The following KHDRBS2 variants were observed in gnomAD, a reference collection of about 807,000 sequenced individuals.
KHDRBS2 encodes the protein KH RNA binding domain containing, signal transduction associated 2, also known as KH domain-containing, RNA-binding, signal transduction-associated protein 2.
A neutral mutation model predicts 44.3 loss-of-function variants in KHDRBS2; 26 were observed. The ratio of observed to expected loss-of-function variants is 0.59; its 90% CI spans 0.43 to 0.81. The LOEUF (loss-of-function observed/expected upper bound fraction) is 0.81, where lower values mean the gene tolerates loss of function less well. Among genes scored for constraint, KHDRBS2 ranks in the 40% least tolerant of loss-of-function variants. The probability of loss-of-function intolerance (pLI) is 0.00; values close to 1 mark genes in which losing one functional copy is unlikely to be tolerated. For missense variants in KHDRBS2, 476 were observed against 433.1 expected, an observed-to-expected ratio of 1.10 and a Z score of -0.88; for synonymous variants, 194 against 151.1, an observed-to-expected ratio of 1.28 and a Z score of -2.08.
chr6:62,130,441 C>T (rs942494865), intron 2 of KHDRBS2, among the ~76,000 whole-genome samples: 1 of 152,074 alleles, frequency 6.6e-6, no homozygotes, highest in Non-Finnish European at 1.5e-5. Flanking sequence ...GTTTCTTCAT[C>T]TGTAAAAGGA....
chr6:62,224,177 T>C (rs1216547383), intron 1 of KHDRBS2, among the ~76,000 whole-genome samples: 1 of 152,098 alleles, frequency 6.6e-6, no homozygotes, highest in Non-Finnish European at 1.5e-5. Context: ...AGGCACTGCT[T>C]ACATGACAGC....
chr6:62,065,092 C>A lies in KHDRBS2; in HGVS notation c.220-17098G>T, dbSNP rs1168931527. Among the ~76,000 whole-genome samples, 4 of 152,062 alleles carry A rather than the reference C, an allele frequency of 2.6e-5. No homozygotes were observed. The East Asian group carries it at 7.7e-4, about 29-fold the overall frequency. On this transcript the variant is annotated intron_variant, in intron 2 of 8. Coordinates refer to ENST00000281156, the MANE Select transcript of KHDRBS2 (RefSeq NM_152688.4). ...TCAAAACCACAATGAGATACCATCT[C>A]ACACCAGTTAGAATGGCAATCATTA...
the KHDRBS2 span, among the ~76,000 whole-genome samples, chr6:61,638,972 T>C: frequency 6.6e-6 from 1 of 152,126 alleles, no homozygotes; most frequent in African/African-American, 2.4e-5. Flanking sequence ...TAGGTGCTGG[T>C]TAAATCAGCT....
chr6:61,754,493 C>CT (rs1167968356), intron 6 of KHDRBS2, among the ~76,000 whole-genome samples: 1 of 151,506 alleles, frequency 6.6e-6, no homozygotes, highest in Non-Finnish European at 1.5e-5. Flanking sequence ...GACAACAAAT[C>CT]TGTCACACAG....
chr6:61,889,960 C>A lies in KHDRBS2; in HGVS notation c.810+4675G>T, dbSNP rs571919661. Among the ~76,000 whole-genome samples, 4 of 152,328 alleles carry A rather than the reference C, an allele frequency of 2.6e-5. No individual in the cohort carries two copies. The East Asian group carries it at 5.8e-4, about 22-fold the overall frequency. The stretch of plus-strand genomic sequence containing the variant: ...GGCCAAGACCCTCAATTCATTTAAG[C>A]ATTTGCTCAAACGTCTCCACTTCAG... On this transcript the variant is annotated intron_variant, in intron 6 of 8. Coordinates refer to ENST00000281156, the MANE Select transcript of KHDRBS2 (RefSeq NM_152688.4).
the KHDRBS2 span, among the ~76,000 whole-genome samples, chr6:61,571,503 T>C: frequency 7.6e-6 from 1 of 131,700 alleles, no homozygotes; most frequent in Non-Finnish European, 1.7e-5. Flanking sequence ...ACAGCAATAG[T>C]TCATCTAGAC....
the KHDRBS2 span, among the ~76,000 whole-genome samples, chr6:61,663,515 A>G: frequency 9.7e-6 from 1 of 102,604 alleles, no homozygotes; most frequent in South Asian, 3.9e-4. Flanking sequence ...ATATATATAT[A>G]TATATATATA....
intron 2 of KHDRBS2, among the ~76,000 whole-genome samples, chr6:62,075,109 A>T (rs1364661965): frequency 6.6e-6 from 1 of 151,820 alleles, no homozygotes; most frequent in Non-Finnish European, 1.5e-5. Flanking sequence ...TTATGTTTTA[A>T]CTCTTATGCT....
At chr6:62,276,551 A>G (rs192088801) in intron 1 of KHDRBS2, among the ~76,000 whole-genome samples, 30 of 152,204 alleles carry the variant, frequency 2.0e-4, no homozygotes, top group Non-Finnish European at 4.1e-4. Context: ...TAAGCTCTCT[A>G]AGAAGCAGTC....
chr6:62,048,443 TAA>T (rs1788236018), intron 2 of KHDRBS2, among the ~76,000 whole-genome samples: 1 of 151,904 alleles, frequency 6.6e-6, no homozygotes, highest in Non-Finnish European at 1.5e-5. Context: ...ATCGATGCTT[TAA>T]ATTAGTATCT....
chr6:61,774,728 A>T (rs1216847371), intron 6 of KHDRBS2, among the ~76,000 whole-genome samples: 1 of 152,220 alleles, frequency 6.6e-6, no homozygotes, highest in East Asian at 1.9e-4. Flanking sequence ...AGGAGCTGGT[A>T]GCATTCCTTC....
chr6:61,778,054 C>T (rs60613287), intron 6 of KHDRBS2, among the ~76,000 whole-genome samples: 24,332 of 151,972 alleles, frequency 0.16, 2,457 homozygotes, highest in East Asian at 0.29. Flanking sequence ...TGTTCATGAC[C>T]ACTCCTATTC....
At chr6:61,682,605 G>A (rs1053471784) in intron 8 of KHDRBS2, among the ~76,000 whole-genome samples, 5 of 151,858 alleles carry the variant, frequency 3.3e-5, no homozygotes, top group African/African-American at 1.2e-4. Context: ...GAAAAGTTCA[G>A]TAACTGTGAT....
At chr6:61,932,720 G>A (rs1004966336) in intron 4 of KHDRBS2, among the ~76,000 whole-genome samples, 27 of 152,240 alleles carry the variant, frequency 1.8e-4, no homozygotes, top group Middle Eastern at 3.4e-3. Flanking sequence ...CGTGAACCGG[G>A]AGGCGGAGTT....
chr6:62,073,717 T>C (rs1453761245), intron 2 of KHDRBS2, among the ~76,000 whole-genome samples: 1 of 151,620 alleles, frequency 6.6e-6, no homozygotes, highest in Non-Finnish European at 1.5e-5. Flanking sequence ...ATTTCTTGGC[T>C]ACTATTTCCT....
intron 6 of KHDRBS2, among the ~76,000 whole-genome samples, chr6:61,743,689 G>T (rs1481693260): frequency 6.6e-6 from 1 of 151,740 alleles, no homozygotes; most frequent in Admixed American, 6.6e-5. Flanking sequence ...GTGCAGGTTT[G>T]TTACATATGC....
chr6:61,633,106 G>T, the KHDRBS2 span, among the ~76,000 whole-genome samples: 3 of 151,990 alleles, frequency 2.0e-5, no homozygotes, highest in African/African-American at 7.2e-5. Flanking sequence ...AGCAGAAAAT[G>T]CACCACAGGT....
chr6:62,245,506 C>T (rs1303307028), intron 1 of KHDRBS2, among the ~76,000 whole-genome samples: 6 of 151,998 alleles, frequency 3.9e-5, no homozygotes, highest in African/African-American at 1.4e-4. Flanking sequence ...AAAGTTCAGG[C>T]CTAAATAAAT....
At chr6:61,810,112 T>A (rs986948454) in intron 6 of KHDRBS2, among the ~76,000 whole-genome samples, 2 of 152,094 alleles carry the variant, frequency 1.3e-5, no homozygotes, top group Non-Finnish European at 2.9e-5. Context: ...GCATTCTCCA[T>A]CCGTACCTTG....
Sources: allele counts gnomAD v4.1 joint callset (sites outside exome capture counted in the v4.1 genomes callset), GRCh38; gene constraint gnomAD v4.1.1; transcripts MANE v1.5; gene names NCBI Gene and HGNC (gene_info 2026-07-23, HGNC 2026-07-21).